The following DPP10 variants were observed in gnomAD, a reference collection of about 807,000 sequenced individuals.
DPP10 encodes the protein dipeptidyl peptidase like 10, also known as inactive dipeptidyl peptidase 10.
DPP10 carries 33 observed loss-of-function variants against 120.9 expected under a neutral mutation model. The observed-to-expected ratio is 0.27, with a 90% CI of 0.21 to 0.37. The LOEUF (loss-of-function observed/expected upper bound fraction) is 0.37, where lower values mean the gene tolerates loss of function less well. DPP10 is among the 10% of genes least tolerant of loss of function. DPP10 has a pLI of 1.00. For synonymous variants in DPP10, 337 were observed against 326.1 expected, an observed-to-expected ratio of 1.03 and a Z score of -0.36; for missense variants, 816 against 942.8, an observed-to-expected ratio of 0.87 and a Z score of 1.76.
intron 1 of DPP10, among the ~76,000 whole-genome samples, chr2:115,025,820 G>A (rs1703419201): frequency 6.6e-6 from 1 of 151,814 alleles, no homozygotes; most frequent in African/African-American, 2.4e-5. Flanking sequence ...AAATGTTTTA[G>A]ATTTTTTGCC....
At chr2:115,436,505 ATAGGTCTCACT>A (rs1354472390) in intron 3 of DPP10, among the ~76,000 whole-genome samples, 1 of 151,854 alleles carries the variant, frequency 6.6e-6, no homozygotes, top group African/African-American at 2.4e-5. Flanking sequence ...GTGTTAGGGT[ATAGGTCTCACT>A]TAGAAAGTAC....
At chr2:115,764,633 T>A (rs1680504987) in intron 12 of DPP10, among the ~76,000 whole-genome samples, 1 of 152,166 alleles carries the variant, frequency 6.6e-6, no homozygotes, top group Non-Finnish European at 1.5e-5. Context: ...TCTTTTGAGA[T>A]TATGCTATCT....
At chr2:115,337,807 AG>A (rs1188718041) in intron 2 of DPP10, among the ~76,000 whole-genome samples, 1 of 151,924 alleles carries the variant, frequency 6.6e-6, no homozygotes, top group Admixed American at 6.6e-5. Context: ...CAGGGTAGGC[AG>A]CTAAGGAAAA....
chr2:114,835,193 A>T (rs1451879121), intron 1 of DPP10: 1 of 149,602 alleles, frequency 6.7e-6, no homozygotes, highest in Non-Finnish European at 1.5e-5. Flanking sequence ...TATAGGACAT[A>T]TCTACATACC....
intron 1 of DPP10, among the ~76,000 whole-genome samples, chr2:114,991,418 A>G (rs952766712): frequency 6.6e-6 from 1 of 152,222 alleles, no homozygotes; most frequent in Admixed American, 6.5e-5. Flanking sequence ...CTAAGTGAAA[A>G]GAAAAAATGA....
At chr2:114,908,988 GTTAA>G (rs1253646335) in intron 1 of DPP10, among the ~76,000 whole-genome samples, 28 of 151,738 alleles carry the variant, frequency 1.8e-4, no homozygotes, top group Admixed American at 5.9e-4. Flanking sequence ...TCAAGTTGAA[GTTAA>G]TTAATTTTTT....
chr2:115,230,533 A>G (rs1353125673), intron 1 of DPP10, among the ~76,000 whole-genome samples: 2 of 151,936 alleles, frequency 1.3e-5, no homozygotes, highest in Non-Finnish European at 2.9e-5. Context: ...ATCTACTTTT[A>G]TTTTATTTTA....
chr2:115,471,778 T>TTG (rs1558713810), intron 3 of DPP10, among the ~76,000 whole-genome samples: 2 of 149,618 alleles, frequency 1.3e-5, no homozygotes, highest in Non-Finnish European at 3.0e-5. Flanking sequence ...TCTGTTTTTG[T>TTG]TTGTTGTTGT....
At chr2:114,524,627 A>G (rs76265666) in intron 1 of DPP10, among the ~76,000 whole-genome samples, 1,866 of 152,356 alleles carry the variant, frequency 0.012, 34 homozygotes, top group African/African-American at 0.04. Flanking sequence ...AAGGAGCTGA[A>G]TATCTAGTGA....
At chr2:114,999,842 G>A (rs1001746189) in intron 1 of DPP10, among the ~76,000 whole-genome samples, 45 of 151,988 alleles carry the variant, frequency 3.0e-4, no homozygotes, top group African/African-American at 1.1e-3. Context: ...GTGGGGAAAA[G>A]CAAAGCAAAA....
At chr2:115,611,031 A>G (rs1031523568) in intron 5 of DPP10, among the ~76,000 whole-genome samples, 2 of 152,142 alleles carry the variant, frequency 1.3e-5, no homozygotes, top group African/African-American at 2.4e-5. Context: ...AGACTGATGT[A>G]TCTTGCATTC....
chr2:115,420,757 A>G (rs1559578395), intron 3 of DPP10, among the ~76,000 whole-genome samples: 1 of 152,220 alleles, frequency 6.6e-6, no homozygotes, highest in Non-Finnish European at 1.5e-5. Context: ...TTTAAGACAC[A>G]TTAACAAACA....
intron 4 of DPP10, among the ~76,000 whole-genome samples, chr2:115,510,415 T>C (rs537726117): frequency 6.6e-6 from 1 of 152,186 alleles, no homozygotes; most frequent in Non-Finnish European, 1.5e-5. Flanking sequence ...AAAAGATTTT[T>C]TTTTCTGTTG....
chr2:115,553,241 G>C (rs1166879682), intron 5 of DPP10, among the ~76,000 whole-genome samples: 2 of 151,730 alleles, frequency 1.3e-5, no homozygotes, highest in African/African-American at 4.8e-5. Context: ...TGATACACTT[G>C]GTATAAATTA....
intron 1 of DPP10, among the ~76,000 whole-genome samples, chr2:114,802,357 TC>T (rs759073287): frequency 3.3e-5 from 5 of 152,208 alleles, no homozygotes; most frequent in Admixed American, 6.5e-5. Flanking sequence ...TTCTGCCCTG[TC>T]ATCTGGTGTA....
rs2106037308 is a variant in DPP10 at position 115,311,559 on chromosome 2, C to G, written c.175+2206C>G. ...TCAAATTATTCATGCATTCATTCAT[C>G]CCATAGGTAATTGTGGAGTTCTCAC... On this transcript the variant is annotated intron_variant, in intron 2 of 25. Transcript: ENST00000410059. 2.0e-5 allele frequency among the ~76,000 whole-genome samples: 3 copies of G among 152,252 alleles called. No individual in the cohort carries two copies. In the Middle Eastern group the frequency reaches 0.01, roughly 518 times the overall value.
At chr2:114,471,418 A>G (rs1679901984) in intron 1 of DPP10, among the ~76,000 whole-genome samples, 1 of 152,210 alleles carries the variant, frequency 6.6e-6, no homozygotes, top group African/African-American at 2.4e-5. Context: ...AGATTCCTAG[A>G]GAATCAAATA....
chr2:115,192,250 C>T (rs1482620681), intron 1 of DPP10, among the ~76,000 whole-genome samples: 1 of 152,196 alleles, frequency 6.6e-6, no homozygotes, highest in Admixed American at 6.5e-5. Flanking sequence ...ATGTCTTCTA[C>T]CCAATGAGTA....
At chr2:114,774,396 C>CA (rs1041208165) in intron 1 of DPP10, among the ~76,000 whole-genome samples, 62 of 137,120 alleles carry the variant, frequency 4.5e-4, no homozygotes, top group African/African-American at 1.1e-3. Flanking sequence ...GGACCTATGA[C>CA]AAAAAAAAAA....
Sources: gnomAD v4.1 joint callset for allele counts (sites outside exome capture counted in the v4.1 genomes callset) on GRCh38, gnomAD v4.1.1 for gene constraint, MANE v1.5 for transcripts, NCBI Gene and HGNC (gene_info 2026-07-23, HGNC 2026-07-21) for gene names.